The following LRRFIP2 variants were observed in gnomAD, a reference collection of about 807,000 sequenced individuals.
LRRFIP2 encodes the protein leucine-rich repeat flightless-interacting protein 2.
LRRFIP2 carries 109 observed loss-of-function variants against 125.9 expected under a neutral mutation model. That is an observed-to-expected ratio of 0.87 (90% CI 0.74 to 1.01). The LOEUF (loss-of-function observed/expected upper bound fraction) is 1.01. Ranked by LOEUF, LRRFIP2 falls within the 50% of genes least tolerant of loss-of-function variation. The probability of loss-of-function intolerance (pLI) is 0.00; values close to 1 mark genes in which losing one functional copy is unlikely to be tolerated. For synonymous variants in LRRFIP2, 291 were observed against 293.1 expected (o/e 0.99, Z 0.07); for missense variants, 850 against 862.3 (o/e 0.99, Z 0.18).
chr3:37,119,302 A>G (rs1481823276), intron 6 of LRRFIP2, among the ~76,000 whole-genome samples: 1 of 152,218 alleles, frequency 6.6e-6, no homozygotes, highest in Non-Finnish European at 1.5e-5. Context: ...GTTTAATGAT[A>G]CAAATGCCAT....
At chr3:37,096,502 AAGGG>A (rs2093725995) in intron 16 of LRRFIP2, 110 bp downstream of exon 16, 2 of 677,450 alleles carry the variant, frequency 3.0e-6, no homozygotes, top group South Asian at 3.6e-5. Flanking sequence ...GAAATAGATG[AAGGG>A]AGGAAGAGCA....
intron 1 of LRRFIP2, among the ~76,000 whole-genome samples, 153 bp from the exon 2 acceptor site, chr3:37,149,191 C>A (rs2150035514): frequency 6.6e-6 from 1 of 152,256 alleles, no homozygotes; most frequent in South Asian, 2.1e-4. Context: ...TAATTTTATA[C>A]TAATTACTAA....
chr3:37,147,954 T>C (rs1299437832), intron 2 of LRRFIP2, among the ~76,000 whole-genome samples: 1 of 152,166 alleles, frequency 6.6e-6, no homozygotes, highest in Non-Finnish European at 1.5e-5. Context: ...GCCCCAGAAG[T>C]TCTGTTACCA....
intron 1 of LRRFIP2, among the ~76,000 whole-genome samples, chr3:37,153,234 T>C (rs1280924428): frequency 6.6e-6 from 1 of 151,860 alleles, no homozygotes; most frequent in Non-Finnish European, 1.5e-5. Context: ...AGAAAAATTT[T>C]AAAAAAATTA....
intron 1 of LRRFIP2, among the ~76,000 whole-genome samples, chr3:37,149,727 A>T (rs1372972926): frequency 6.6e-6 from 1 of 152,116 alleles, no homozygotes; most frequent in Non-Finnish European, 1.5e-5. Context: ...AACGTCAGGC[A>T]CGGTGGCTCT....
At chr3:37,173,492 T>C (rs747646023) in intron 1 of LRRFIP2, among the ~76,000 whole-genome samples, 3 of 152,204 alleles carry the variant, frequency 2.0e-5, no homozygotes, top group South Asian at 2.1e-4. Flanking sequence ...TATTCTTTAT[T>C]TGCAGACTGA....
intron 6 of LRRFIP2, among the ~76,000 whole-genome samples, chr3:37,118,524 C>A (rs929813705): frequency 1.3e-5 from 2 of 152,206 alleles, no homozygotes; most frequent in Non-Finnish European, 2.9e-5. Flanking sequence ...AAATTCCTAA[C>A]TTTGATTTAA....
intron 4 of LRRFIP2, among the ~76,000 whole-genome samples, chr3:37,124,424 C>G (rs2095193576): frequency 6.6e-6 from 1 of 152,094 alleles, no homozygotes; most frequent in South Asian, 2.1e-4. Flanking sequence ...TATAGAAAGG[C>G]AAAACATTTG....
chr3:37,139,200 C>T (rs1397657118), intron 2 of LRRFIP2, among the ~76,000 whole-genome samples: 1 of 152,156 alleles, frequency 6.6e-6, no homozygotes, highest in East Asian at 1.9e-4. Flanking sequence ...TATTTTCAAA[C>T]TGTGGTCAAA....
intron 1 of LRRFIP2, among the ~76,000 whole-genome samples, chr3:37,156,673 C>CAA (rs59647339): frequency 0.036 from 1,109 of 30,548 alleles, 253 homozygotes; most frequent in Non-Finnish European, 0.041. Flanking sequence ...GACTCAGTAT[C>CAA]AAAAAAAAAA....
At chr3:37,164,732 A>C (rs1224589288) in intron 1 of LRRFIP2, among the ~76,000 whole-genome samples, 1 of 151,942 alleles carries the variant, frequency 6.6e-6, no homozygotes, top group Non-Finnish European at 1.5e-5. Context: ...AAAAAAAAAA[A>C]AAAAGTTCCT....
rs1028790038 is a variant in LRRFIP2 at position 37,053,007 on chromosome 3, T to C, written c.*844A>G. The C allele has an allele frequency of 6.6e-6, 1 of 152,546 alleles. No homozygotes were observed. The highest frequency in any genetic ancestry group is 1.5e-5 in the Non-Finnish European group (1 of 68,014). The allele number at this position is 152,546 out of a possible 1,614,324, so 9.4% of individuals were successfully genotyped here. A position where few individuals can be genotyped will look rare whatever the true frequency, so the allele number is the denominator to read the frequency against. Reference sequence around the variant, plus strand: ...AAATGAACATGTCAGTAGCCAATTGTGGTTGGCAAAAGGGTGTATTTAATA... The same window carrying C: ...AAATGAACATGTCAGTAGCCAATTGCGGTTGGCAAAAGGGTGTATTTAATA... On this transcript the variant is annotated 3_prime_UTR_variant, in exon 28 of 28. Coordinates refer to ENST00000336686, the MANE Select transcript of LRRFIP2 (RefSeq NM_006309.4).
chr3:37,101,253 A>T (rs1394973883), intron 15 of LRRFIP2, among the ~76,000 whole-genome samples: 1 of 151,906 alleles, frequency 6.6e-6, no homozygotes, highest in Non-Finnish European at 1.5e-5. Context: ...GCTACTCGGG[A>T]GGCTGAGGCA....
Position 37,096,648 on chromosome 3 carries a change from AT to A in LRRFIP2, c.885del (p.Lys295AsnfsTer25). ...TAATTTTCAGCATACTGTTTGTCAG[AT>A]TTTTCATCCAACTAGAAAAGAACAA... ...SIPDLSSLDE[K>X]SDKQYAENYT... is the part of the protein sequence containing the mutation. On this transcript the variant is annotated frameshift_variant, in exon 16 of 28. Transcript: ENST00000336686. LOFTEE classifies it high-confidence loss of function. 1 of 1,569,012 alleles carries A rather than the reference AT, an allele frequency of 6.4e-7. No individual in the cohort carries two copies. Among genetic ancestry groups the A allele is most frequent in the Non-Finnish European group, 8.7e-7 (1 of 1,148,300 alleles).
At chr3:37,132,640 T>C (rs908296217) in intron 2 of LRRFIP2, among the ~76,000 whole-genome samples, 3 of 152,196 alleles carry the variant, frequency 2.0e-5, no homozygotes, top group Non-Finnish European at 2.9e-5. Context: ...TTCTATACAT[T>C]ATTACTAGAT....
chr3:37,133,737 T>G (rs1332108172), intron 2 of LRRFIP2, among the ~76,000 whole-genome samples: 1 of 152,126 alleles, frequency 6.6e-6, no homozygotes, highest in East Asian at 1.9e-4. Flanking sequence ...TGCATGACAA[T>G]GCAAATGGAT....
intron 1 of LRRFIP2, among the ~76,000 whole-genome samples, chr3:37,155,769 G>A (rs998465485): frequency 8.5e-5 from 13 of 152,204 alleles, no homozygotes; most frequent in African/African-American, 2.9e-4. Context: ...AGTGTACTGA[G>A]ATCTGCTACT....
At chr3:37,128,293 T>C (rs1283561638) in intron 3 of LRRFIP2, among the ~76,000 whole-genome samples, 1 of 152,216 alleles carries the variant, frequency 6.6e-6, no homozygotes, top group Non-Finnish European at 1.5e-5. Flanking sequence ...CATAGGCTTT[T>C]GCCCCTTCAT....
chr3:37,096,719 G>A (rs1220763193), intron 15 of LRRFIP2, 59 bp from the exon 16 acceptor site: 9 of 912,818 alleles, frequency 9.9e-6, no homozygotes, highest in Non-Finnish European at 1.5e-5. Flanking sequence ...CTTTTTTTGG[G>A]AGGAAAAAAG....
Sources: gnomAD v4.1 joint callset for allele counts (sites outside exome capture counted in the v4.1 genomes callset) on GRCh38, gnomAD v4.1.1 for gene constraint, MANE v1.5 for transcripts, NCBI Gene and HGNC (gene_info 2026-07-23, HGNC 2026-07-21) for gene names.